CLIC4: variants seen among roughly 807,000 people sequenced by gnomAD.
The protein encoded by CLIC4 is CLIC family member 4.
A neutral mutation model predicts 24.6 loss-of-function variants in CLIC4; 13 were observed. That is an observed-to-expected ratio of 0.53 (90% CI 0.34 to 0.84). The LOEUF is 0.84. Ranked by LOEUF, CLIC4 falls within the 40% of genes least tolerant of loss-of-function variation. CLIC4 has a pLI of 0.01. For missense variants in CLIC4, 227 were observed against 301.7 expected, an observed-to-expected ratio of 0.75 and a Z score of 1.83; for synonymous variants, 104 against 111.3, an observed-to-expected ratio of 0.93 and a Z score of 0.41.
intron 4 of CLIC4, among the ~76,000 whole-genome samples, chr1:24,830,971 G>A (rs185038122): frequency 6.2e-4 from 94 of 152,186 alleles, no homozygotes; most frequent in African/African-American, 2.0e-3. Flanking sequence ...GAATGATGCT[G>A]TTTAGTACTT....
rs976654778 is a variant in CLIC4, at chr1:24,798,016, G to A, written c.182+165G>A. ...TATATAACTATTTTGGACAAGTCACGCTGTCAGTATACTGCGTGGCTACTC... is the reference window on the plus strand; with the variant it reads ...TATATAACTATTTTGGACAAGTCACACTGTCAGTATACTGCGTGGCTACTC... On this transcript the variant is annotated intron_variant, in intron 2 of 5. Transcript: ENST00000374379. 2.0e-5 allele frequency: 11 copies of A among 555,768 alleles called. No homozygotes were observed. The South Asian group carries it at 2.1e-4, about 11-fold the overall frequency. 34.4% of individuals were successfully genotyped at this position (555,768 alleles called of 1,614,324 possible). A position where few individuals can be genotyped will look rare whatever the true frequency, so the allele number is the denominator to read the frequency against.
At chr1:24,803,213 T>C (rs1469824334) in intron 2 of CLIC4, among the ~76,000 whole-genome samples, 1 of 152,194 alleles carries the variant, frequency 6.6e-6, no homozygotes, top group African/African-American at 2.4e-5. Flanking sequence ...AATGTGACTC[T>C]TTTTAGAAAT....
intron 3 of CLIC4, among the ~76,000 whole-genome samples, chr1:24,814,496 T>C (rs1279291512): frequency 2.0e-5 from 3 of 152,166 alleles, no homozygotes; most frequent in African/African-American, 7.2e-5. Flanking sequence ...ATTTGTGGAC[T>C]GTAGGTCTCA....
intron 2 of CLIC4, among the ~76,000 whole-genome samples, chr1:24,803,990 G>A (rs1284266902): frequency 6.6e-6 from 1 of 152,104 alleles, no homozygotes; most frequent in Non-Finnish European, 1.5e-5. Context: ...AAGGCAGTTA[G>A]AAACTCAGAA....
At chr1:24,803,732 T>C (rs958089095) in intron 2 of CLIC4, among the ~76,000 whole-genome samples, 1 of 152,164 alleles carries the variant, frequency 6.6e-6, no homozygotes, top group Non-Finnish European at 1.5e-5. Context: ...GAGTTAAAGA[T>C]GTTCTGGCAT....
chr1:24,754,019 A>G (rs1638811487), intron 1 of CLIC4, among the ~76,000 whole-genome samples: 1 of 152,220 alleles, frequency 6.6e-6, no homozygotes, highest in African/African-American at 2.4e-5. Context: ...TTTGCCATTC[A>G]TTTGAGGTTT....
intron 3 of CLIC4, among the ~76,000 whole-genome samples, chr1:24,816,300 T>C (rs927818937): frequency 1.7e-4 from 24 of 139,668 alleles, no homozygotes; most frequent in African/African-American, 6.1e-4. Flanking sequence ...AGTGCAGTGA[T>C]GCGATCTCGG....
intron 2 of CLIC4, among the ~76,000 whole-genome samples, chr1:24,805,110 A>C (rs1180100874): frequency 6.8e-6 from 1 of 147,966 alleles, no homozygotes; most frequent in African/African-American, 2.5e-5. Flanking sequence ...AAAAAACACA[A>C]AAACAAAGAC....
At chr1:24,749,361 GTATGGAAAT>G in intron 1 of CLIC4, among the ~76,000 whole-genome samples, 1 of 152,276 alleles carries the variant, frequency 6.6e-6, no homozygotes, top group Admixed American at 6.5e-5. Flanking sequence ...CACATAGCAT[GTATGGAAAT>G]TAGAAATTTG....
At position 24,805,606 on chromosome 1, in the gene CLIC4, A is replaced by G. The variant is rs539256650; in HGVS notation, c.182+7755A>G. 7.2e-5 allele frequency among the ~76,000 whole-genome samples: 11 copies of G among 152,212 alleles called. No homozygotes were observed. The South Asian group carries it at 1.0e-3, about 14-fold the overall frequency. ...TTATTGTTCTCTTTCTGGAGAAAAA[A>G]GGAGCTCCATTTAAAAGATAAGGCC... On this transcript the variant is annotated intron_variant, in intron 2 of 5. Coordinates refer to ENST00000374379, the MANE Select transcript of CLIC4 (RefSeq NM_013943.3).
chr1:24,750,714 C>T (rs1312760980), intron 1 of CLIC4, among the ~76,000 whole-genome samples: 1 of 151,970 alleles, frequency 6.6e-6, no homozygotes, highest in Non-Finnish European at 1.5e-5. Context: ...TTGTGTATCC[C>T]AGGATACATC....
intron 4 of CLIC4, among the ~76,000 whole-genome samples, chr1:24,828,584 G>A (rs1218775554): frequency 2.0e-5 from 3 of 151,028 alleles, no homozygotes; most frequent in Non-Finnish European, 4.4e-5. Context: ...ATTTTTCCAT[G>A]TGGTTTTTTG....
intron 2 of CLIC4, among the ~76,000 whole-genome samples, chr1:24,812,226 C>T (rs1639621790): frequency 6.6e-6 from 1 of 152,092 alleles, no homozygotes; most frequent in African/African-American, 2.4e-5. Context: ...TCACTCAGTA[C>T]TTTGTCCATT....
At chr1:24,823,464 T>C (rs936503269) in intron 3 of CLIC4, among the ~76,000 whole-genome samples, 2 of 152,174 alleles carry the variant, frequency 1.3e-5, no homozygotes, top group African/African-American at 4.8e-5. Context: ...TAAAATGTTA[T>C]TAAACCTTTT....
intron 2 of CLIC4, 57 bp from the exon 3 acceptor site, chr1:24,814,034 GTAT>G (rs1362514472): frequency 6.5e-5 from 105 of 1,606,358 alleles, no homozygotes; most frequent in East Asian, 3.6e-4. Flanking sequence ...AGAATTTAAA[GTAT>G]TATTGTTGTT....
chr1:24,828,256 A>G (rs1175271864), intron 4 of CLIC4, among the ~76,000 whole-genome samples: 1 of 152,180 alleles, frequency 6.6e-6, no homozygotes, highest in African/African-American at 2.4e-5. Flanking sequence ...ATGTTTTTCT[A>G]CAGTGAAGGG....
At chr1:24,790,186 C>T (rs1428782617) in intron 1 of CLIC4, among the ~76,000 whole-genome samples, 1 of 152,236 alleles carries the variant, frequency 6.6e-6, no homozygotes, top group Non-Finnish European at 1.5e-5. Flanking sequence ...ATTCTCCTGC[C>T]CCAGCCTCCC....
At chr1:24,789,677 T>A (rs1482754469) in intron 1 of CLIC4, among the ~76,000 whole-genome samples, 1 of 152,236 alleles carries the variant, frequency 6.6e-6, no homozygotes, top group Admixed American at 6.5e-5. Context: ...ACTGAGTTTT[T>A]AAATTTCAGT....
At chr1:24,799,034 G>A (rs1280883039) in intron 2 of CLIC4, among the ~76,000 whole-genome samples, 2 of 152,232 alleles carry the variant, frequency 1.3e-5, no homozygotes, top group African/African-American at 2.4e-5. Context: ...GCCTCCCAAA[G>A]TGCCGAGATT....
Sources: allele counts gnomAD v4.1 joint callset (sites outside exome capture counted in the v4.1 genomes callset), GRCh38; gene constraint gnomAD v4.1.1; transcripts MANE v1.5; gene names NCBI Gene and HGNC (gene_info 2026-07-23, HGNC 2026-07-21).